Variants in MAD1L1 observed in about 807,000 individuals in gnomAD.
MAD1L1 encodes the protein mitotic arrest deficient 1 like 1.
MAD1L1 carries 95 observed loss-of-function variants against 96.9 expected under a neutral mutation model. The ratio of observed to expected loss-of-function variants is 0.98; its 90% CI spans 0.83 to 1.16. The LOEUF (loss-of-function observed/expected upper bound fraction) is 1.16. Among genes scored for constraint, MAD1L1 ranks in the 50% most tolerant of loss-of-function variants. The pLI is 0.00. For missense variants in MAD1L1, 1,007 were observed against 954.4 expected (o/e 1.06, Z -0.73); for synonymous variants, 473 against 396.6 (o/e 1.19, Z -2.29).
At chr7:2,224,380 C>A (rs1793770562) in intron 4 of MAD1L1, among the ~76,000 whole-genome samples, 1 of 152,170 alleles carries the variant, frequency 6.6e-6, no homozygotes, top group Non-Finnish European at 1.5e-5. Context: ...AGGCCATGAG[C>A]AAACGCCCCA....
intron 10 of MAD1L1, among the ~76,000 whole-genome samples, chr7:2,199,834 C>G (rs1792187981): frequency 6.6e-6 from 1 of 152,252 alleles, no homozygotes; most frequent in African/African-American, 2.4e-5. Flanking sequence ...TAGGTGCTTC[C>G]CAACGCCATG....
chr7:2,110,152 GAC>G (rs1787304791), intron 11 of MAD1L1, among the ~76,000 whole-genome samples: 1 of 152,232 alleles, frequency 6.6e-6, no homozygotes, highest in Non-Finnish European at 1.5e-5. Flanking sequence ...TTATCAAAAT[GAC>G]ACAGATGTCC....
At chr7:2,110,433 C>T (rs779861924) in intron 11 of MAD1L1, among the ~76,000 whole-genome samples, 6 of 152,192 alleles carry the variant, frequency 3.9e-5, no homozygotes, top group Middle Eastern at 3.2e-3. Flanking sequence ...GGCTGTGACT[C>T]GCACAGACAC....
chr7:1,942,529 G>T (rs1779049596), intron 16 of MAD1L1, among the ~76,000 whole-genome samples: 1 of 152,192 alleles, frequency 6.6e-6, no homozygotes, highest in African/African-American at 2.4e-5. Context: ...CGAGTGTCGG[G>T]ATGGGAGGAC....
chr7:2,130,164 G>C (rs778211480), intron 11 of MAD1L1, among the ~76,000 whole-genome samples: 1 of 152,232 alleles, frequency 6.6e-6, no homozygotes, highest in Admixed American at 6.5e-5. Context: ...CCCTGCCTTC[G>C]GCCCGCAGCA....
intron 17 of MAD1L1, among the ~76,000 whole-genome samples, chr7:1,912,149 G>C (rs1788056363): frequency 6.6e-6 from 1 of 152,232 alleles, no homozygotes; most frequent in Non-Finnish European, 1.5e-5. Context: ...CAGGGGTCCA[G>C]ATGGCGGCAG....
intron 17 of MAD1L1, among the ~76,000 whole-genome samples, chr7:1,915,487 C>T (rs577249560): frequency 1.5e-4 from 23 of 152,182 alleles, no homozygotes; most frequent in Admixed American, 3.9e-4. Context: ...CAGCGAGGAA[C>T]GCCACAGGAG....
chr7:1,973,033 T>C (rs1422431644), intron 15 of MAD1L1, among the ~76,000 whole-genome samples: 1 of 152,178 alleles, frequency 6.6e-6, no homozygotes, highest in Admixed American at 6.5e-5. Context: ...TGAATTCGAT[T>C]CTTTCGAATT....
At chr7:2,198,711 A>T (rs1792123994) in intron 10 of MAD1L1, among the ~76,000 whole-genome samples, 1 of 152,140 alleles carries the variant, frequency 6.6e-6, no homozygotes, top group South Asian at 2.1e-4. Flanking sequence ...CCTGCCGCTG[A>T]GTGACTCTCC....
At chr7:1,965,662 G>A (rs1340271251) in intron 15 of MAD1L1, among the ~76,000 whole-genome samples, 1 of 152,236 alleles carries the variant, frequency 6.6e-6, no homozygotes, top group Non-Finnish European at 1.5e-5. Flanking sequence ...ACACTACCAC[G>A]GGCTCAGCCC....
chr7:1,966,849 C>T (rs1397612962), intron 15 of MAD1L1, among the ~76,000 whole-genome samples: 1 of 152,194 alleles, frequency 6.6e-6, no homozygotes, highest in African/African-American at 2.4e-5. Context: ...GTGCGCAGGG[C>T]AGAGCTCCTT....
intron 18 of MAD1L1, among the ~76,000 whole-genome samples, chr7:1,858,324 C>T (rs1000518261): frequency 2.6e-5 from 4 of 152,256 alleles, no homozygotes; most frequent in Non-Finnish European, 5.9e-5. Context: ...ACCCCAACTC[C>T]GTTCCTGGCC....
In MAD1L1 at chr7:2,154,702, G is replaced by C. The variant is rs11767469; in HGVS notation, c.987-5464C>G. 2.4e-3 allele frequency among the ~76,000 whole-genome samples: 370 copies of C among 152,130 alleles called. 3 individuals are homozygous for C. Among genetic ancestry groups the C allele is most frequent in the African/African-American group, 8.1e-3 (335 of 41,510 alleles). The stretch of plus-strand genomic sequence containing the variant: ...TGAAGTGTATGAGCTTTAGCTAGTG[G>C]AAACAGAATGGGTTTAAGGCAATGG... On this transcript the variant is annotated intron_variant, in intron 10 of 18. Coordinates refer to ENST00000265854, the MANE Select transcript of MAD1L1 (RefSeq NM_001013836.2).
intron 17 of MAD1L1, among the ~76,000 whole-genome samples, chr7:1,922,083 T>C (rs976178566): frequency 1.4e-4 from 22 of 152,208 alleles, no homozygotes; most frequent in African/African-American, 5.1e-4. Context: ...GCTCTGACGA[T>C]GGAGGGAGTG....
intron 17 of MAD1L1, among the ~76,000 whole-genome samples, chr7:1,934,545 CAG>C (rs1207784102): frequency 6.6e-6 from 1 of 151,866 alleles, no homozygotes; most frequent in Non-Finnish European, 1.5e-5. Context: ...CCGAGATGCG[CAG>C]AGACCCAGAC....
intron 10 of MAD1L1, among the ~76,000 whole-genome samples, chr7:2,150,356 G>A (rs552235972): frequency 7.9e-5 from 12 of 152,114 alleles, no homozygotes; most frequent in Admixed American, 2.0e-4. Flanking sequence ...CCTAAAACGC[G>A]CACGCTGCAA....
intron 15 of MAD1L1, among the ~76,000 whole-genome samples, chr7:1,971,408 C>T (rs750975626): frequency 1.2e-4 from 18 of 152,062 alleles, no homozygotes; most frequent in African/African-American, 3.4e-4. Flanking sequence ...GGTGAAAACG[C>T]GAAACCACTC....
rs538594868 is a variant in MAD1L1, at chr7:1,912,248, T to C, written c.1808-13858A>G. On this transcript the variant is annotated intron_variant, in intron 17 of 18. Transcript: ENST00000265854. ...CGCAAGGCCAGCCCTGTCGACTGGA[T>C]GAAGGATGGCCATCTGAGAGACAGA... Among the ~76,000 whole-genome samples, 174 of 152,238 alleles carry C rather than the reference T, an allele frequency of 1.1e-3. 1 individual carries two copies. Among genetic ancestry groups the C allele is most frequent in the Middle Eastern group, 6.8e-3 (2 of 294 alleles).
rs984346387 is a variant in MAD1L1, at chr7:2,114,827, G to T, written c.1073+34325C>A. Reference sequence around the variant, plus strand: ...GAGTCCGTTCTGGCCCTTCACACAAGACACTTGTCAGACCCATCTTTTGAG... The same window carrying T: ...GAGTCCGTTCTGGCCCTTCACACAATACACTTGTCAGACCCATCTTTTGAG... On this transcript the variant is annotated intron_variant, in intron 11 of 18. Coordinates refer to ENST00000265854, the MANE Select transcript of MAD1L1 (RefSeq NM_001013836.2). This position sits in a 1 kb window ranked among gnomAD's most constrained non-coding sequence, Gnocchi z 4.2. Among the ~76,000 whole-genome samples, 1 of 152,164 alleles carries T rather than the reference G, an allele frequency of 6.6e-6. No homozygotes were observed. Among genetic ancestry groups the T allele is most frequent in the Non-Finnish European group, 1.5e-5 (1 of 68,038 alleles).
Sources: gnomAD v4.1 joint callset for allele counts (sites outside exome capture counted in the v4.1 genomes callset) on GRCh38, gnomAD v4.1.1 for gene constraint, Gnocchi (gnomAD v3.1) non-coding constraint, MANE v1.5 for transcripts, NCBI Gene and HGNC (gene_info 2026-07-23, HGNC 2026-07-21) for gene names.